ARFGAP1: variants seen among roughly 807,000 people sequenced by gnomAD.
ARFGAP1 encodes ARF GTPase activating protein 1, also known as ADP-ribosylation factor GTPase-activating protein 1.
ARFGAP1 carries 26 observed loss-of-function variants against 54.0 expected under a neutral mutation model. The ratio of observed to expected loss-of-function variants is 0.48; its 90% CI spans 0.35 to 0.67. ARFGAP1 has a LOEUF of 0.67. Among genes scored for constraint, ARFGAP1 ranks in the 30% least tolerant of loss-of-function variants. The pLI is 0.00. For synonymous variants in ARFGAP1, 248 were observed against 211.9 expected (o/e 1.17, Z -1.48); for missense variants, 525 against 535.8 (o/e 0.98, Z 0.20).
At chr20:63,283,907 C>A in intron 9 of ARFGAP1, 1 of 1,612,394 alleles carries the variant, frequency 6.2e-7, no homozygotes, top group Non-Finnish European at 8.5e-7. Flanking sequence ...CTCGTGCATG[C>A]CGCCCGCATC....
chr20:63,288,623 C>A lies in ARFGAP1; in HGVS notation c.*750C>A. 1 of 426,772 alleles carries A rather than the reference C, an allele frequency of 2.3e-6. No homozygotes were observed. The highest frequency in any genetic ancestry group is 4.8e-6 in the Non-Finnish European group (1 of 209,864). 26.4% of individuals were successfully genotyped at this position (426,772 alleles called of 1,614,324 possible). On this transcript the variant is annotated 3_prime_UTR_variant, in exon 13 of 13. Coordinates refer to ENST00000370283, the MANE Select transcript of ARFGAP1 (RefSeq NM_018209.4). ...AGGAGCGCAGGGTGGGCCCTCGGCC[C>A]TGATGCAGGAGGGTGCGATAGCGGA...
At position 63,280,709 on chromosome 20, in the gene ARFGAP1, T is replaced by C. The variant is rs570982512; in HGVS notation, c.628-582T>C. Among the ~76,000 whole-genome samples the C allele has an allele frequency of 1.7e-4, 26 of 152,354 alleles. No individual in the cohort carries two copies. In the South Asian group the frequency reaches 3.5e-3, roughly 21 times the overall value. The stretch of plus-strand genomic sequence containing the variant: ...GTGTGGGCTTCATTTTTGTGGCCCT[T>C]CCTTCTGCTGCCTTTTGCTGGGAAG... On this transcript the variant is annotated intron_variant, in intron 7 of 12. Coordinates refer to ENST00000370283, the MANE Select transcript of ARFGAP1 (RefSeq NM_018209.4).
Position 63,278,011 on chromosome 20 carries a change from C to G in ARFGAP1, c.444-106C>G. The G allele has an allele frequency of 7.0e-6, 7 of 1,001,360 alleles. No individual in the cohort carries two copies. In the Admixed American group the frequency reaches 9.1e-5, roughly 13 times the overall value. 62.0% of individuals were successfully genotyped at this position (1,001,360 alleles called of 1,614,324 possible). ...TGGCCTCAGGTGCTCTCAGGGGTGA[C>G]GTGAAGGCACTGCCCACGTAGGCCA... is the stretch of plus-strand genomic sequence containing the variant. On this transcript the variant is annotated intron_variant, in intron 5 of 12. Transcript: ENST00000370283.
intron 7 of ARFGAP1, among the ~76,000 whole-genome samples, chr20:63,279,464 C>A (rs2067322366): frequency 6.6e-6 from 1 of 152,154 alleles, no homozygotes; most frequent in Admixed American, 6.5e-5. Flanking sequence ...CCTCGGCCTC[C>A]CAAAGTGCTG....
Position 63,288,972 on chromosome 20 carries a change from G to C in ARFGAP1, c.*1099G>C, listed in dbSNP as rs2067641624. The C allele has an allele frequency of 1.0e-5, 2 of 192,674 alleles. No homozygotes were observed. Among genetic ancestry groups the C allele is most frequent in the African/African-American group, 4.6e-5 (2 of 43,672 alleles). 11.9% of individuals were successfully genotyped at this position (192,674 alleles called of 1,614,324 possible). ...TGCTCCCTGGTCACCCCACTTCCCG[G>C]TCGCCGTCTGCAGCACTCCTGGAGC... On this transcript the variant is annotated 3_prime_UTR_variant, in exon 13 of 13. Coordinates refer to ENST00000370283, the MANE Select transcript of ARFGAP1 (RefSeq NM_018209.4).
chr20:63,278,417 G>C, intron 6 of ARFGAP1: 1 of 507,350 alleles, frequency 2.0e-6, no homozygotes, highest in Non-Finnish European at 3.4e-6. Flanking sequence ...GCCCAGGTGT[G>C]AATTGGGGGG....
At chr20:63,283,964 C>G in intron 9 of ARFGAP1, 2 of 1,588,236 alleles carry the variant, frequency 1.3e-6, no homozygotes, top group Admixed American at 3.4e-5. Flanking sequence ...TGCGTGCTGC[C>G]ACTGTCTTGT....
At chr20:63,284,798 G>A in intron 9 of ARFGAP1, 68 bp from the exon 10 acceptor site, 1 of 1,596,260 alleles carries the variant, frequency 6.3e-7, no homozygotes, top group Non-Finnish European at 8.5e-7. Context: ...GCTGGCCTGT[G>A]CTGCCACTGC....
chr20:63,277,886 C>T (rs1007624943), intron 5 of ARFGAP1, among the ~76,000 whole-genome samples: 11 of 152,210 alleles, frequency 7.2e-5, no homozygotes, highest in African/African-American at 2.2e-4. Context: ...AGGGAGAGTG[C>T]AGAGCCCACT....
rs2067280307 is a variant in ARFGAP1, at chr20:63,278,134, A to G, written c.461A>G (p.Gln154Arg). 3 of 1,613,618 alleles carry G rather than the reference A, an allele frequency of 1.9e-6. No individual in the cohort carries two copies. The highest frequency in any genetic ancestry group is 2.7e-5 in the African/African-American group (2 of 74,944). ...GGTTTCAGAGTCTCTGGCCAGCCGC[A>G]GAGTGTGACCGCCTCCTCGGACAAG... ...SMVHRVSGQP[Q>R]SVTASSDKAF... Residue 154 changes from glutamine to arginine, a missense_variant, in exon 6 of 13, where the codon CAG (glutamine) becomes CGG (arginine). Gln to Arg is a conservative substitution (Grantham distance 43, BLOSUM62 1). Around this residue, in one of 3 missense-constraint regions of ARFGAP1, gnomAD observed 466 missense variants for 453.6 expected, o/e 1.03. Coordinates refer to ENST00000370283, the MANE Select transcript of ARFGAP1 (RefSeq NM_018209.4).
intron 1 of ARFGAP1, chr20:63,274,151 G>A (rs1211736912): frequency 6.6e-6 from 1 of 152,176 alleles, no homozygotes; most frequent in Non-Finnish European, 1.5e-5. Context: ...ACAGAATTAT[G>A]GAGCAGAAGG....
At position 63,288,780 on chromosome 20, in the gene ARFGAP1, C is replaced by T. The variant is rs939972163; in HGVS notation, c.*907C>T. 2.9e-6 allele frequency: 1 copy of T among 341,886 alleles called. No individual in the cohort carries two copies. Among genetic ancestry groups the T allele is most frequent in the Admixed American group, 3.8e-5 (1 of 26,066 alleles). 21.2% of individuals were successfully genotyped at this position (341,886 alleles called of 1,614,324 possible). A position where few individuals can be genotyped will look rare whatever the true frequency, so the allele number is the denominator to read the frequency against. On this transcript the variant is annotated 3_prime_UTR_variant, in exon 13 of 13. Transcript: ENST00000370283. ...CCGGTGCCCGCCACATGCCAACCCT[C>T]ACCTCCCCGAGGACTGGATGATGTG...
At position 63,285,647 on chromosome 20, in the gene ARFGAP1, C is replaced by T. The variant is rs767803977; in HGVS notation, c.775-7C>T. 3.3e-5 allele frequency: 53 copies of T among 1,613,080 alleles called. No individual in the cohort carries two copies. The highest frequency in any genetic ancestry group is 4.0e-5 in the Non-Finnish European group (47 of 1,179,690). ...CCCCATTAATGCCGCTGTCTTCATC[C>T]GTGCAGGTGAAGGAGGGAAAGATTT... On this transcript the variant is annotated splice_region_variant and splice_polypyrimidine_tract_variant and intron_variant, in intron 10 of 12. Transcript: ENST00000370283.
chr20:63,288,278 C>T lies in ARFGAP1; in HGVS notation c.*405C>T. ...GTCAGCGACGTGAGGTGTCCCTTCT[C>T]GTTGAGATATTTAACTTTGGTTTTG... On this transcript the variant is annotated 3_prime_UTR_variant, in exon 13 of 13. Coordinates refer to ENST00000370283, the MANE Select transcript of ARFGAP1 (RefSeq NM_018209.4). The T allele has an allele frequency of 2.0e-6, 1 of 496,292 alleles. No homozygotes were observed. Among genetic ancestry groups the T allele is most frequent in the South Asian group, 1.5e-5 (1 of 64,904 alleles). The allele number at this position is 496,292 out of a possible 1,614,324, so 30.7% of individuals were successfully genotyped here.
intron 8 of ARFGAP1, among the ~76,000 whole-genome samples, chr20:63,282,105 C>T (rs892539103): frequency 6.6e-6 from 1 of 151,642 alleles, no homozygotes; most frequent in African/African-American, 2.4e-5. Flanking sequence ...CCCGTCACAG[C>T]GCGCACCTGT....
Position 63,281,302 on chromosome 20 carries a change from C to T in ARFGAP1, c.639C>T (p.Ser213=). 2 of 1,602,298 alleles carry T rather than the reference C, an allele frequency of 1.2e-6. No individual in the cohort carries two copies. The highest frequency in any genetic ancestry group is 1.3e-5 in the African/African-American group (1 of 74,988). The part of the protein sequence containing the change: ...AMSSLYSGWS[S]FTTGASRFAS... ...GTCGCCTCCCTCAGGGCTGGAGCAG[C>T]TTCACCACTGGAGCCAGCCGGTTTG... Residue 213 remains serine (S), a synonymous_variant, in exon 8 of 13, where the codon AGC becomes AGT. Coordinates refer to ENST00000370283, the MANE Select transcript of ARFGAP1 (RefSeq NM_018209.4).
Position 63,278,982 on chromosome 20 carries a change from C to T in ARFGAP1, c.614C>T (p.Ser205Phe), listed in dbSNP as rs2067309030. The change falls in exon 7 of 13, where the codon TCC becomes TTC. Residue 205 changes from serine to phenylalanine, a missense_variant. Ser to Phe is a radical substitution (Grantham distance 155). This residue lies in a region of ARFGAP1 where 466 missense variants were observed against 453.6 expected (regional missense o/e 1.03). Transcript: ENST00000370283. Reference protein sequence around the residue: ...KEDDFLNNAMSSLYSGWSSFT... With the variant: ...KEDDFLNNAMFSLYSGWSSFT... ...GATGACTTCCTCAACAACGCCATGT[C>T]CTCCCTGTACTCGGTGAGGACTTGG... 1.1e-5 allele frequency: 17 copies of T among 1,614,002 alleles called. No homozygotes were observed. The highest frequency in any genetic ancestry group is 1.3e-5 in the Non-Finnish European group (15 of 1,180,014).
chr20:63,281,519 T>C (rs2067380163), intron 8 of ARFGAP1, among the ~76,000 whole-genome samples, 172 bp downstream of exon 8: 2 of 152,222 alleles, frequency 1.3e-5, no homozygotes, highest in South Asian at 4.1e-4. Context: ...CCTGAGACCT[T>C]GGAGGTTCTG....
At chr20:63,280,582 G>A (rs1215546967) in intron 7 of ARFGAP1, among the ~76,000 whole-genome samples, 6 of 152,276 alleles carry the variant, frequency 3.9e-5, no homozygotes, top group Admixed American at 3.9e-4. Context: ...CCAGTCGCTC[G>A]GGGTGGCCTG....
Sources: allele counts gnomAD v4.1 joint callset (sites outside exome capture counted in the v4.1 genomes callset), GRCh38; gene constraint gnomAD v4.1.1; regional missense constraint gnomAD v4.1.1; transcripts MANE v1.5; gene names NCBI Gene and HGNC (gene_info 2026-07-23, HGNC 2026-07-21).